NCKAP5: variants seen among roughly 807,000 people sequenced by gnomAD.
The protein encoded by NCKAP5 is NCK associated protein 5.
A neutral mutation model predicts 167.0 loss-of-function variants in NCKAP5; 92 were observed. The observed-to-expected ratio is 0.55, with a 90% confidence interval of 0.47 to 0.66. The LOEUF (loss-of-function observed/expected upper bound fraction) is 0.66, where lower values mean the gene tolerates loss of function less well. Ranked by LOEUF, NCKAP5 falls within the 30% of genes least tolerant of loss-of-function variation. NCKAP5 has a pLI of 0.00. For synonymous variants in NCKAP5, 891 were observed against 877.4 expected (o/e 1.02, Z -0.27); for missense variants, 2,378 against 2,315.0 (o/e 1.03, Z -0.56).
At chr2:133,147,895 A>G (rs2083256461) in intron 5 of NCKAP5, among the ~76,000 whole-genome samples, 1 of 152,138 alleles carries the variant, frequency 6.6e-6, no homozygotes, top group South Asian at 2.1e-4. Flanking sequence ...GTTATAAAAC[A>G]TACCTTCTCT....
chr2:133,093,506 G>C (rs907926624), intron 6 of NCKAP5, among the ~76,000 whole-genome samples: 5 of 152,156 alleles, frequency 3.3e-5, no homozygotes, highest in African/African-American at 1.2e-4. Context: ...TTACCATCAA[G>C]ACAGGGAACA....
intron 19 of NCKAP5, among the ~76,000 whole-genome samples, chr2:132,687,756 C>CA (rs1558922334): frequency 2.9e-5 from 4 of 139,590 alleles, no homozygotes; most frequent in Non-Finnish European, 5.9e-5. Flanking sequence ...CACACACACA[C>CA]CCTTCCTCTG....
In NCKAP5 at chr2:132,773,865, C is replaced by A. The variant is rs756453753; in HGVS notation, c.5079G>T (p.Glu1693Asp). Residue 1693 changes from glutamate to aspartate, a missense_variant, in exon 16 of 20, where the codon GAG becomes GAT. Coordinates refer to ENST00000409261, the MANE Select transcript of NCKAP5 (RefSeq NM_207363.3). Reference sequence around the variant, plus strand: ...AATCTGCAACTGCATCGTCTTCATCCTCTTGCAAGTTTTCATTTGCCTCTT... The same window carrying A: ...AATCTGCAACTGCATCGTCTTCATCATCTTGCAAGTTTTCATTTGCCTCTT... ...LVKEANENLQEDEDDAVADSV... is the reference protein window; with the variant it reads ...LVKEANENLQDDEDDAVADSV... 3.7e-6 allele frequency: 6 copies of A among 1,610,556 alleles called. No individual in the cohort carries two copies. The highest frequency in any genetic ancestry group is 1.7e-5 in the Admixed American group (1 of 59,360).
At chr2:133,414,343 G>A (rs1251307707) in intron 3 of NCKAP5, among the ~76,000 whole-genome samples, 1 of 152,100 alleles carries the variant, frequency 6.6e-6, no homozygotes. Context: ...CGTTTTCTGA[G>A]GTTAAAACAT....
chr2:132,987,501 A>G (rs958115378), intron 7 of NCKAP5, among the ~76,000 whole-genome samples: 2 of 152,228 alleles, frequency 1.3e-5, no homozygotes, highest in Admixed American at 6.5e-5. Flanking sequence ...TTATTTAAGG[A>G]AAAAGTAATT....
intron 4 of NCKAP5, among the ~76,000 whole-genome samples, chr2:133,272,075 T>TA (rs1178771979): frequency 2.0e-5 from 3 of 152,106 alleles, no homozygotes; most frequent in African/African-American, 7.2e-5. Context: ...AAAGTAATTA[T>TA]AGGAAAATTA....
chr2:133,534,906 G>C (rs1685640471), intron 2 of NCKAP5, among the ~76,000 whole-genome samples: 2 of 152,180 alleles, frequency 1.3e-5, no homozygotes, highest in South Asian at 4.1e-4. Context: ...ATGCCAAACT[G>C]TTTTCCAAAG....
chr2:133,006,606 T>A lies in NCKAP5; in HGVS notation c.342-12367A>T, dbSNP rs570014680. Among the ~76,000 whole-genome samples the A allele has an allele frequency of 6.3e-5, 9 of 142,722 alleles. No homozygotes were observed. In the South Asian group the frequency reaches 2.0e-3, roughly 32 times the overall value. The allele number at this position is 142,722 out of a possible 152,430, so 93.6% of individuals were successfully genotyped here. ...TTCCCATTTTCTACATCTCACACAG[T>A]TTTTATTTTATTTTATTTTATTTTT... On this transcript the variant is annotated intron_variant, in intron 6 of 19. Coordinates refer to ENST00000409261, the MANE Select transcript of NCKAP5 (RefSeq NM_207363.3).
At chr2:132,998,690 G>A (rs1259928274) in intron 6 of NCKAP5, among the ~76,000 whole-genome samples, 1 of 151,844 alleles carries the variant, frequency 6.6e-6, no homozygotes, top group Non-Finnish European at 1.5e-5. Context: ...GTTGTTTGAC[G>A]CCCAATTACA....
intron 3 of NCKAP5, among the ~76,000 whole-genome samples, chr2:133,307,316 A>C (rs1051084936): frequency 2.0e-5 from 3 of 152,238 alleles, no homozygotes; most frequent in Non-Finnish European, 4.4e-5. Context: ...TCAGTTTGTC[A>C]AACAATGATA....
intron 5 of NCKAP5, among the ~76,000 whole-genome samples, chr2:133,190,278 TAC>T (rs2085152642): frequency 6.6e-6 from 1 of 152,070 alleles, no homozygotes; most frequent in African/African-American, 2.4e-5. Flanking sequence ...TAAAAGAGGA[TAC>T]AAACAAATGG....
intron 4 of NCKAP5, among the ~76,000 whole-genome samples, chr2:133,289,964 G>A (rs571049766): frequency 6.6e-6 from 1 of 152,074 alleles, no homozygotes. Flanking sequence ...GCACTATCAC[G>A]AGAACAGCAA....
At chr2:133,368,628 C>T (rs1685600371) in intron 3 of NCKAP5, among the ~76,000 whole-genome samples, 1 of 152,194 alleles carries the variant, frequency 6.6e-6, no homozygotes, top group African/African-American at 2.4e-5. Flanking sequence ...GCCTTGCATC[C>T]TCTCCATTTC....
At chr2:132,840,332 T>C (rs538165985) in intron 11 of NCKAP5, among the ~76,000 whole-genome samples, 1 of 150,910 alleles carries the variant, frequency 6.6e-6, no homozygotes, top group African/African-American at 2.4e-5. Context: ...TTGGAGTGCA[T>C]TGGTGTGATC....
At chr2:133,453,911 C>A (rs1691695108) in intron 3 of NCKAP5, among the ~76,000 whole-genome samples, 1 of 151,858 alleles carries the variant, frequency 6.6e-6, no homozygotes, top group Non-Finnish European at 1.5e-5. Context: ...TTTGAGCCCC[C>A]CCACCACCGC....
At chr2:133,573,480 T>C in the NCKAP5 span, among the ~76,000 whole-genome samples, 1 of 152,056 alleles carries the variant, frequency 6.6e-6, no homozygotes, top group Admixed American at 6.5e-5. Flanking sequence ...GTTTCCCCTA[T>C]TTTGAGAAAC....
At chr2:132,800,882 T>C (rs1684976117) in intron 11 of NCKAP5, among the ~76,000 whole-genome samples, 1 of 152,166 alleles carries the variant, frequency 6.6e-6, no homozygotes, top group African/African-American at 2.4e-5. Flanking sequence ...AATCCCTTAA[T>C]TTCTACATTG....
intron 12 of NCKAP5, among the ~76,000 whole-genome samples, chr2:132,791,743 C>T (rs765880099): frequency 1.3e-5 from 2 of 152,202 alleles, no homozygotes; most frequent in South Asian, 2.1e-4. Context: ...TTCCAACTGA[C>T]GGTGACTAAA....
In NCKAP5 at chr2:133,069,192, G is replaced by C. The variant is rs1011136870; in HGVS notation, c.341+60786C>G. On this transcript the variant is annotated intron_variant, in intron 6 of 19. Coordinates refer to ENST00000409261, the MANE Select transcript of NCKAP5 (RefSeq NM_207363.3). ...TCTTCCAGCCTAAATAGAAAATAAC[G>C]TACAAATGTAAAGCACTGGAAAATA... 2.0e-5 allele frequency among the ~76,000 whole-genome samples: 3 copies of C among 152,096 alleles called. No homozygotes were observed. The East Asian group carries it at 5.8e-4, about 29-fold the overall frequency.
Sources: gnomAD v4.1 joint callset for allele counts (sites outside exome capture counted in the v4.1 genomes callset) on GRCh38, gnomAD v4.1.1 for gene constraint, MANE v1.5 for transcripts, NCBI Gene and HGNC (gene_info 2026-07-23, HGNC 2026-07-21) for gene names.